SLC24A3: variants seen among roughly 807,000 people sequenced by gnomAD.
The protein encoded by SLC24A3 is solute carrier family 24 member 3, also known as sodium/potassium/calcium exchanger 3.
In SLC24A3, 28 loss-of-function variants were observed where a neutral mutation model predicts 75.8. The ratio of observed to expected loss-of-function variants is 0.37; its 90% CI spans 0.27 to 0.51. SLC24A3 has a LOEUF of 0.51. Ranked by LOEUF, SLC24A3 falls within the 20% of genes least tolerant of loss-of-function variation. SLC24A3 has a pLI of 0.94. For missense variants in SLC24A3, 663 were observed against 847.8 expected (o/e 0.78, Z 2.71); for synonymous variants, 372 against 334.1 (o/e 1.11, Z -1.24).
intron 6 of SLC24A3, among the ~76,000 whole-genome samples, chr20:19,649,213 A>G (rs560186227): frequency 9.2e-5 from 14 of 152,320 alleles, no homozygotes; most frequent in African/African-American, 3.4e-4. Context: ...CTGCCAGGAA[A>G]TGTGTTCAGG....
At chr20:19,486,589 A>G (rs552922710) in intron 2 of SLC24A3, among the ~76,000 whole-genome samples, 1 of 152,322 alleles carries the variant, frequency 6.6e-6, no homozygotes, top group African/African-American at 2.4e-5. Flanking sequence ...AACTTCAGGG[A>G]CAAAAGTATG....
At chr20:19,318,664 A>G (rs1159437554) in intron 2 of SLC24A3, among the ~76,000 whole-genome samples, 1 of 152,056 alleles carries the variant, frequency 6.6e-6, no homozygotes, top group Non-Finnish European at 1.5e-5. Context: ...TCCCACAGGT[A>G]GAAGGGTAGG....
rs553159311 is a variant in SLC24A3, at chr20:19,505,054, G to T, written c.272-10434G>T. 7.2e-5 allele frequency among the ~76,000 whole-genome samples: 11 copies of T among 152,324 alleles called. No individual in the cohort carries two copies. The South Asian group carries it at 2.3e-3, about 32-fold the overall frequency. On this transcript the variant is annotated intron_variant, in intron 2 of 16. Transcript: ENST00000328041. ...TTCTAGTTTGTCAAATTACATTTCA[G>T]TGCTCTGCTAGGCCAATAGTCTATG...
intron 1 of SLC24A3, among the ~76,000 whole-genome samples, chr20:19,218,404 C>T (rs753481406): frequency 3.9e-5 from 6 of 152,144 alleles, no homozygotes; most frequent in Non-Finnish European, 8.8e-5. Context: ...CCCAAGTCCA[C>T]CTACATCAGG....
At chr20:19,376,961 T>G (rs1413148471) in intron 2 of SLC24A3, among the ~76,000 whole-genome samples, 1 of 152,154 alleles carries the variant, frequency 6.6e-6, no homozygotes, top group East Asian at 1.9e-4. Flanking sequence ...AATTATGCAG[T>G]TCAGTGTTAG....
rs146574067 is a variant in SLC24A3 at position 19,562,467 on chromosome 20, C to T, written c.349-17533C>T. On this transcript the variant is annotated intron_variant, in intron 3 of 16. Coordinates refer to ENST00000328041, the MANE Select transcript of SLC24A3 (RefSeq NM_020689.4). ...GAATTTCAAGCTAGCCTACATCAGT[C>T]AGAGACAAAGGAGCCCATGTGCCCA... Among the ~76,000 whole-genome samples the T allele has an allele frequency of 6.6e-4, 100 of 152,250 alleles. 1 individual carries two copies. The highest frequency in any genetic ancestry group is 2.4e-3 in the African/African-American group (98 of 41,556).
intron 6 of SLC24A3, among the ~76,000 whole-genome samples, chr20:19,598,746 A>T (rs1212083613): frequency 2.0e-5 from 3 of 151,972 alleles, no homozygotes; most frequent in Non-Finnish European, 4.4e-5. Context: ...ATTTTAAGAT[A>T]TTGGTCATTA....
At chr20:19,483,574 G>A (rs1180798956) in intron 2 of SLC24A3, among the ~76,000 whole-genome samples, 1 of 152,150 alleles carries the variant, frequency 6.6e-6, no homozygotes, top group African/African-American at 2.4e-5. Context: ...CTTGCCCTGA[G>A]GTTTACTGAC....
chr20:19,321,948 C>T (rs1984717638), intron 2 of SLC24A3, among the ~76,000 whole-genome samples: 1 of 152,148 alleles, frequency 6.6e-6, no homozygotes, highest in Non-Finnish European at 1.5e-5. Flanking sequence ...TGTTGACTTG[C>T]AGAATGCCCC....
chr20:19,607,278 C>A (rs1482823462), intron 6 of SLC24A3, among the ~76,000 whole-genome samples: 1 of 152,098 alleles, frequency 6.6e-6, no homozygotes, highest in East Asian at 1.9e-4. Context: ...CTTTTCTCAC[C>A]CCAAATGGTA....
chr20:19,455,405 A>G lies in SLC24A3; in HGVS notation c.272-60083A>G, dbSNP rs574384567. Among the ~76,000 whole-genome samples the G allele has an allele frequency of 1.2e-4, 19 of 152,296 alleles. No individual in the cohort carries two copies. In the South Asian group the frequency reaches 2.5e-3, roughly 20 times the overall value. ...GGCAGATGCTATCAGTGCCCTTCCC[A>G]TGTTGCCTCAGCCTACCCCAGAGGT... is the stretch of plus-strand genomic sequence containing the variant. On this transcript the variant is annotated intron_variant, in intron 2 of 16. Transcript: ENST00000328041.
chr20:19,656,790 G>C (rs1165371141), intron 7 of SLC24A3, among the ~76,000 whole-genome samples: 1 of 152,224 alleles, frequency 6.6e-6, no homozygotes, highest in Non-Finnish European at 1.5e-5. Flanking sequence ...CCCAACAGCA[G>C]TTCTGCTGGT....
chr20:19,390,519 G>A (rs1299269776), intron 2 of SLC24A3, among the ~76,000 whole-genome samples: 1 of 152,080 alleles, frequency 6.6e-6, no homozygotes, highest in Non-Finnish European at 1.5e-5. Flanking sequence ...ATAGGACCAT[G>A]AAGAATGGCC....
At chr20:19,380,318 G>C (rs1254072682) in intron 2 of SLC24A3, among the ~76,000 whole-genome samples, 2 of 152,114 alleles carry the variant, frequency 1.3e-5, no homozygotes, top group Non-Finnish European at 2.9e-5. Context: ...GAAAAGGAGA[G>C]TGCGGTGTGA....
chr20:19,548,130 A>C (rs2030631566), intron 3 of SLC24A3, among the ~76,000 whole-genome samples: 1 of 152,208 alleles, frequency 6.6e-6, no homozygotes. Flanking sequence ...GCTGATTTAC[A>C]AGCAAGGCTG....
At chr20:19,538,001 C>T (rs2030430954) in intron 3 of SLC24A3, among the ~76,000 whole-genome samples, 1 of 151,808 alleles carries the variant, frequency 6.6e-6, no homozygotes, top group Non-Finnish European at 1.5e-5. Flanking sequence ...GCATTGTGCA[C>T]ATGTACCCTA....
In SLC24A3 at chr20:19,666,930, T is replaced by C. The variant is rs185565447; in HGVS notation, c.713+1041T>C. ...AATCGAGTGTATTGTGCATTCTCGTTACATATTTTCCGAATATTTGATCTA... is the reference window on the plus strand; with the variant it reads ...AATCGAGTGTATTGTGCATTCTCGTCACATATTTTCCGAATATTTGATCTA... On this transcript the variant is annotated intron_variant, in intron 8 of 16. Transcript: ENST00000328041. 4.1e-3 allele frequency among the ~76,000 whole-genome samples: 621 copies of C among 152,362 alleles called. 1 individual carries two copies. Among genetic ancestry groups the C allele is most frequent in the Non-Finnish European group, 7.4e-3 (505 of 68,030 alleles).
chr20:19,531,502 C>T (rs2030298361), intron 3 of SLC24A3, among the ~76,000 whole-genome samples: 1 of 152,208 alleles, frequency 6.6e-6, no homozygotes. Context: ...TCCCCATACT[C>T]TCTAGAGTGT....
intron 2 of SLC24A3, among the ~76,000 whole-genome samples, chr20:19,302,381 G>T (rs1312671274): frequency 6.6e-6 from 1 of 152,186 alleles, no homozygotes; most frequent in East Asian, 1.9e-4. Context: ...TCTGTGACAA[G>T]TTTTTAGTAT....
Sources: gnomAD v4.1 joint callset for allele counts (sites outside exome capture counted in the v4.1 genomes callset) on GRCh38, gnomAD v4.1.1 for gene constraint, MANE v1.5 for transcripts, NCBI Gene and HGNC (gene_info 2026-07-23, HGNC 2026-07-21) for gene names.